The following HACE1 variants were observed in gnomAD, a reference collection of about 807,000 sequenced individuals.
HACE1 encodes the protein E3 ubiquitin-protein ligase HACE1.
Under a neutral mutation model 118.4 loss-of-function variants are expected in HACE1, and 73 were observed. The observed-to-expected ratio is 0.62, with a 90% CI of 0.51 to 0.75. The LOEUF (loss-of-function observed/expected upper bound fraction) is 0.75, where lower values mean the gene tolerates loss of function less well. Ranked by LOEUF, HACE1 falls within the 30% of genes least tolerant of loss-of-function variation. The probability of loss-of-function intolerance (pLI) is 0.00; values close to 1 mark genes in which losing one functional copy is unlikely to be tolerated. For synonymous variants in HACE1, 368 were observed against 374.8 expected (o/e 0.98, Z 0.21); for missense variants, 749 against 1,102.2 (o/e 0.68, Z 4.54).
At chr6:104,747,250 A>C (rs1294988382) in intron 20 of HACE1, among the ~76,000 whole-genome samples, 1 of 152,182 alleles carries the variant, frequency 6.6e-6, no homozygotes, top group Non-Finnish European at 1.5e-5. Context: ...CTTACCTAGC[A>C]TCACACGATT....
In HACE1 at chr6:104,813,004, G is replaced by A. The variant is rs760015521; in HGVS notation, c.535-1611C>T. Among the ~76,000 whole-genome samples the A allele has an allele frequency of 1.1e-4, 10 of 88,272 alleles. 1 individual carries two copies. The highest frequency in any genetic ancestry group is 2.3e-4 in the Non-Finnish European group (10 of 43,176). 57.9% of individuals were successfully genotyped at this position (88,272 alleles called of 152,430 possible). The stretch of plus-strand genomic sequence containing the variant: ...CTGGGAGACAAGACACACAGGTAGA[G>A]CAAAGATGAGGAGCCATCGTGAAAA... On this transcript the variant is annotated intron_variant, in intron 6 of 23. Transcript: ENST00000262903.
intron 19 of HACE1, among the ~76,000 whole-genome samples, chr6:104,767,700 A>G (rs1353797334): frequency 6.6e-6 from 1 of 151,942 alleles, no homozygotes; most frequent in Non-Finnish European, 1.5e-5. Context: ...TTACTTTTCC[A>G]TCTAAGCTAA....
chr6:104,836,945 A>T (rs1394675581), intron 5 of HACE1, among the ~76,000 whole-genome samples: 1 of 152,206 alleles, frequency 6.6e-6, no homozygotes, highest in African/African-American at 2.4e-5. Flanking sequence ...TTACCAAAAC[A>T]TGCACAAAAT....
At chr6:104,731,590 A>G (rs1775208183) in intron 22 of HACE1, 2 of 152,158 alleles carry the variant, frequency 1.3e-5, no homozygotes, top group Non-Finnish European at 2.9e-5. Context: ...ATTTTCAACT[A>G]GAGTGCCAAC....
intron 6 of HACE1, among the ~76,000 whole-genome samples, chr6:104,832,610 T>C (rs1387485910): frequency 6.6e-5 from 10 of 152,096 alleles, no homozygotes; most frequent in African/African-American, 2.4e-4. Flanking sequence ...TTGCCCAGGC[T>C]GAACTCCTGA....
At chr6:104,733,834 A>T (rs1452474739) in intron 22 of HACE1, among the ~76,000 whole-genome samples, 1 of 116,830 alleles carries the variant, frequency 8.6e-6, no homozygotes, top group African/African-American at 4.8e-5. Flanking sequence ...GCAAGACTTC[A>T]TCTCAAAAAA....
intron 7 of HACE1, among the ~76,000 whole-genome samples, chr6:104,800,509 C>G (rs562145772): frequency 1.3e-5 from 2 of 152,252 alleles, no homozygotes; most frequent in African/African-American, 4.8e-5. Flanking sequence ...TGGGATGAAG[C>G]TTCCAGAGGA....
chr6:104,770,375 A>G (rs1780479750), intron 19 of HACE1, among the ~76,000 whole-genome samples: 1 of 152,172 alleles, frequency 6.6e-6, no homozygotes, highest in Non-Finnish European at 1.5e-5. Context: ...GTGAAATTTA[A>G]AACATATGCA....
intron 20 of HACE1, among the ~76,000 whole-genome samples, chr6:104,748,970 T>C (rs1226684102): frequency 6.6e-6 from 1 of 152,188 alleles, no homozygotes; most frequent in Non-Finnish European, 1.5e-5. Context: ...TTCATGGGTA[T>C]GTTCAGTTTG....
chr6:104,851,979 T>C (rs1562513879), intron 2 of HACE1, among the ~76,000 whole-genome samples: 1 of 152,228 alleles, frequency 6.6e-6, no homozygotes, highest in Non-Finnish European at 1.5e-5. Flanking sequence ...AATCTTTTAC[T>C]ATAAAGATCA....
At chr6:104,744,731 C>G (rs1777216259) in intron 20 of HACE1, 121 bp from the exon 21 acceptor site, 1 of 669,010 alleles carries the variant, frequency 1.5e-6, no homozygotes. Context: ...ATTTTTGTGA[C>G]AGTTCCTGCA....
intron 22 of HACE1, among the ~76,000 whole-genome samples, chr6:104,734,764 A>G (rs2114394427): frequency 6.6e-6 from 1 of 152,306 alleles, no homozygotes. Flanking sequence ...TTTAAAGTGG[A>G]GAAGGCTTGC....
At chr6:104,815,112 A>G (rs1046125959) in intron 6 of HACE1, among the ~76,000 whole-genome samples, 4 of 137,896 alleles carry the variant, frequency 2.9e-5, no homozygotes, top group Non-Finnish European at 6.2e-5. Flanking sequence ...GCTCTGAAGA[A>G]GACAGTAAGA....
chr6:104,739,858 A>C (rs1175609361), intron 22 of HACE1, among the ~76,000 whole-genome samples: 1 of 152,100 alleles, frequency 6.6e-6, no homozygotes, highest in Admixed American at 6.5e-5. Context: ...AATCAACAGA[A>C]TATACATTTT....
chr6:104,746,211 C>A (rs886678176), intron 20 of HACE1, among the ~76,000 whole-genome samples: 1 of 152,196 alleles, frequency 6.6e-6, no homozygotes, highest in African/African-American at 2.4e-5. Flanking sequence ...TATCCATTGA[C>A]ATAACCCACA....
intron 6 of HACE1, among the ~76,000 whole-genome samples, chr6:104,829,876 A>G (rs966118612): frequency 4.6e-5 from 7 of 152,106 alleles, no homozygotes; most frequent in Non-Finnish European, 1.0e-4. Flanking sequence ...ATTTTACCAC[A>G]CTTGCTTTAG....
chr6:104,782,078 G>A (rs1168744331), intron 14 of HACE1, among the ~76,000 whole-genome samples: 4 of 144,042 alleles, frequency 2.8e-5, no homozygotes, highest in South Asian at 2.6e-4. Context: ...GCCAAAAACC[G>A]CAATTACTTT....
At chr6:104,746,993 T>C (rs1376141158) in intron 20 of HACE1, among the ~76,000 whole-genome samples, 1 of 151,978 alleles carries the variant, frequency 6.6e-6, no homozygotes, top group Admixed American at 6.6e-5. Flanking sequence ...ATTGTTACGA[T>C]TTTTTTTCAA....
intron 19 of HACE1, among the ~76,000 whole-genome samples, chr6:104,761,055 G>A (rs531087700): frequency 2.6e-4 from 39 of 152,114 alleles, no homozygotes; most frequent in African/African-American, 4.3e-4. Flanking sequence ...GACAGGACAC[G>A]AACAAATGGA....
Sources: allele counts gnomAD v4.1 joint callset (sites outside exome capture counted in the v4.1 genomes callset), GRCh38; gene constraint gnomAD v4.1.1; transcripts MANE v1.5; gene names NCBI Gene and HGNC (gene_info 2026-07-23, HGNC 2026-07-21).